ABCC8: variants seen among roughly 807,000 people sequenced by gnomAD.
ABCC8 encodes ATP-binding cassette sub-family C member 8.
A neutral mutation model predicts 188.0 loss-of-function variants in ABCC8; 137 were observed. The ratio of observed to expected loss-of-function variants is 0.73; its 90% CI spans 0.63 to 0.84. The LOEUF (loss-of-function observed/expected upper bound fraction) is 0.84. Ranked by LOEUF, ABCC8 falls within the 40% of genes least tolerant of loss-of-function variation. The pLI, the probability that ABCC8 is intolerant of heterozygous loss-of-function variation, is 0.00. For synonymous variants in ABCC8, 797 were observed against 846.5 expected (o/e 0.94, Z 1.01); for missense variants, 1,750 against 2,072.7 (o/e 0.84, Z 3.02).
chr11:17,427,962 C>T lies in ABCC8; in HGVS notation c.2041-20G>A. 3 of 1,611,834 alleles carry T rather than the reference C, an allele frequency of 1.9e-6. No individual in the cohort carries two copies. The highest frequency in any genetic ancestry group is 2.5e-6 in the Non-Finnish European group (3 of 1,178,960). ...CATGATCTTCATTAGGCGTGTCCCA[C>T]CGCCCAGGAGAGAACAGAAAGGCAG... On this transcript the variant is annotated intron_variant, in intron 14 of 38. Coordinates refer to ENST00000389817, the MANE Select transcript of ABCC8 (RefSeq NM_000352.6). The surrounding 1 kb of genome is among the most constrained non-coding windows in gnomAD (Gnocchi z 5.0).
intron 6 of ABCC8, 88 bp from the exon 7 acceptor site, chr11:17,453,371 C>T: frequency 6.4e-7 from 1 of 1,555,976 alleles, no homozygotes; most frequent in Non-Finnish European, 8.7e-7. Context: ...TGGACCACGG[C>T]CATCATTATT....
At position 17,406,872 on chromosome 11, in the gene ABCC8, G is replaced by T; in HGVS notation, c.3162+16C>A. The T allele has an allele frequency of 6.2e-7, 1 of 1,614,130 alleles. No individual in the cohort carries two copies. The highest frequency in any genetic ancestry group is 8.5e-7 in the Non-Finnish European group (1 of 1,180,042). ...CATCCCCACTCCCAACCTCTGCCAT[G>T]GGCCGCCAGTCACACCTGGCTGAGG... On this transcript the variant is annotated intron_variant, in intron 25 of 38. Coordinates refer to ENST00000389817, the MANE Select transcript of ABCC8 (RefSeq NM_000352.6).
chr11:17,405,644 C>T lies in ABCC8; in HGVS notation c.3330-81G>A, dbSNP rs551453982. 4.4e-6 allele frequency: 7 copies of T among 1,608,806 alleles called. No homozygotes were observed. In the East Asian group the frequency reaches 1.6e-4, roughly 36 times the overall value. Reference sequence around the variant, plus strand: ...TACTGAATGAGATAGTTAATTATTTCATGTAAGTGTCTCTGGAGTCATTCA... The same window carrying T: ...TACTGAATGAGATAGTTAATTATTTTATGTAAGTGTCTCTGGAGTCATTCA... On this transcript the variant is annotated intron_variant, in intron 26 of 38. Coordinates refer to ENST00000389817, the MANE Select transcript of ABCC8 (RefSeq NM_000352.6).
chr11:17,452,197 G>A (rs1202739763), intron 7 of ABCC8, among the ~76,000 whole-genome samples: 1 of 152,136 alleles, frequency 6.6e-6, no homozygotes, highest in Non-Finnish European at 1.5e-5. Flanking sequence ...TCTTCAGAGG[G>A]GCCCTGAACA....
At chr11:17,443,498 G>T in intron 8 of ABCC8, 186 bp from the exon 9 acceptor site, 2 of 836,598 alleles carry the variant, frequency 2.4e-6, no homozygotes, top group Non-Finnish European at 3.7e-6. Flanking sequence ...AAGGAGGTTA[G>T]CATAATGGGC....
intron 21 of ABCC8, 133 bp downstream of exon 21, chr11:17,412,533 T>C: frequency 7.7e-7 from 1 of 1,293,384 alleles, no homozygotes; most frequent in Non-Finnish European, 1.1e-6. Flanking sequence ...GATAAGGCAA[T>C]ATCTCTGGCA....
chr11:17,461,394 T>A (rs1957182837), intron 5 of ABCC8, 189 bp downstream of exon 5: 1 of 720,858 alleles, frequency 1.4e-6, no homozygotes, highest in African/African-American at 1.8e-5. Context: ...ACTGTGCCTG[T>A]CCTATGAATC....
chr11:17,475,651 T>C (rs958811405), intron 1 of ABCC8, among the ~76,000 whole-genome samples: 1 of 152,220 alleles, frequency 6.6e-6, no homozygotes, highest in African/African-American at 2.4e-5. Context: ...GCACATATTT[T>C]GTATGTTTTA....
chr11:17,415,495 G>A (rs1955027676), intron 17 of ABCC8, 156 bp from the exon 18 acceptor site: 1 of 969,502 alleles, frequency 1.0e-6, no homozygotes, highest in Non-Finnish European at 1.2e-6. Flanking sequence ...GGTGTGGAGA[G>A]TGGGGTGTGC....
chr11:17,476,247 C>G (rs985136), intron 1 of ABCC8, among the ~76,000 whole-genome samples: 78,027 of 152,102 alleles, frequency 0.51, 20,551 homozygotes, highest in African/African-American at 0.63. Context: ...GGCTGCCTTG[C>G]GGGAGGGGTG....
chr11:17,402,190 T>C lies in ABCC8; in HGVS notation c.3650+471A>G, dbSNP rs745816654. 2.0e-5 allele frequency among the ~76,000 whole-genome samples: 3 copies of C among 152,172 alleles called. No homozygotes were observed. The South Asian group carries it at 6.2e-4, about 32-fold the overall frequency. On this transcript the variant is annotated intron_variant, in intron 29 of 38. Coordinates refer to ENST00000389817, the MANE Select transcript of ABCC8 (RefSeq NM_000352.6). The stretch of plus-strand genomic sequence containing the variant: ...TGTGGCACCTTACACAGAGAGGTTA[T>C]AGAACGTCTCTGTGCCTCAGTTTCC...
At chr11:17,450,267 TTTCTTTC>T in intron 7 of ABCC8, among the ~76,000 whole-genome samples, 1 of 102,522 alleles carries the variant, frequency 9.8e-6, no homozygotes, top group African/African-American at 4.0e-5. Context: ...TTTCTCTTTC[TTTCTTTC>T]TTTCTTTCTT....
chr11:17,445,580 C>A (rs1036879752), intron 8 of ABCC8, among the ~76,000 whole-genome samples: 1 of 152,256 alleles, frequency 6.6e-6, no homozygotes, highest in Non-Finnish European at 1.5e-5. Flanking sequence ...AAAAGCCTTA[C>A]GTGCCCTGTG....
rs1955201001 is a variant in ABCC8 at position 17,418,819 on chromosome 11, C to A, written c.2223-1857G>T. Among the ~76,000 whole-genome samples the A allele has an allele frequency of 2.6e-5, 4 of 152,060 alleles. No homozygotes were observed. In the South Asian group the frequency reaches 8.3e-4, roughly 31 times the overall value. On this transcript the variant is annotated intron_variant, in intron 16 of 38. Transcript: ENST00000389817. ...AAGGCAGGAAGAACATCTTTTTCAG[C>A]CCCCATGGTGCTTAGCACATGACAG...
At position 17,430,971 on chromosome 11, in the gene ABCC8, G is replaced by C; in HGVS notation, c.1672-12C>G. The C allele has an allele frequency of 6.2e-7, 1 of 1,613,790 alleles. No homozygotes were observed. The highest frequency in any genetic ancestry group is 8.5e-7 in the Non-Finnish European group (1 of 1,179,830). On this transcript the variant is annotated splice_polypyrimidine_tract_variant and intron_variant, in intron 11 of 38. Transcript: ENST00000389817. ...TGGCCCACGAAAGTCTGTGGACAGAGGCACAAGTGAGGCCAGGGTGGCCCA... is the reference window on the plus strand; with the variant it reads ...TGGCCCACGAAAGTCTGTGGACAGACGCACAAGTGAGGCCAGGGTGGCCCA...
chr11:17,469,154 C>T (rs548601299), intron 3 of ABCC8, among the ~76,000 whole-genome samples: 29 of 149,378 alleles, frequency 1.9e-4, no homozygotes, highest in South Asian at 1.9e-3. Context: ...TGCAGTGGCG[C>T]GATCTCAGCT....
intron 22 of ABCC8, among the ~76,000 whole-genome samples, chr11:17,409,844 T>A (rs532934545): frequency 7.1e-4 from 108 of 152,330 alleles, no homozygotes; most frequent in African/African-American, 2.5e-3. Flanking sequence ...TTTCACAACA[T>A]TGGACTCTAC....
intron 4 of ABCC8, 53 bp from the exon 5 acceptor site, chr11:17,461,878 C>T (rs889938241): frequency 5.0e-6 from 8 of 1,609,346 alleles, no homozygotes; most frequent in South Asian, 1.1e-5. Context: ...CTCACCACTC[C>T]CTACCTTGCC....
chr11:17,393,860 C>G, intron 37 of ABCC8, 101 bp from the exon 38 acceptor site: 1 of 1,611,006 alleles, frequency 6.2e-7, no homozygotes, highest in Non-Finnish European at 8.5e-7. Context: ...CAGCTCCCAT[C>G]TGACCCCGAT....
Sources: gnomAD v4.1 joint callset for allele counts (sites outside exome capture counted in the v4.1 genomes callset) on GRCh38, gnomAD v4.1.1 for gene constraint, Gnocchi (gnomAD v3.1) non-coding constraint, MANE v1.5 for transcripts, NCBI Gene and HGNC (gene_info 2026-07-23, HGNC 2026-07-21) for gene names.